Variants in CSMD3 observed in about 807,000 individuals in gnomAD.
CSMD3 encodes CUB and sushi domain-containing protein 3.
CSMD3 carries 177 observed loss-of-function variants against 435.2 expected under a neutral mutation model. That is an observed-to-expected ratio of 0.41 (90% CI 0.36 to 0.46). The LOEUF is 0.46. CSMD3 is among the 20% of genes least tolerant of loss of function. The pLI, the probability that CSMD3 is intolerant of heterozygous loss-of-function variation, is 0.34. For synonymous variants in CSMD3, 1,656 were observed against 1,520.5 expected (o/e 1.09, Z -2.07); for missense variants, 4,265 against 4,504.6 (o/e 0.95, Z 1.52).
At chr8:112,283,589 T>A (rs1818882814) in intron 58 of CSMD3, among the ~76,000 whole-genome samples, 1 of 151,652 alleles carries the variant, frequency 6.6e-6, no homozygotes. Context: ...CTCTTTTTTA[T>A]TTCTATTTTT....
chr8:112,551,115 C>T (rs1827645108), intron 26 of CSMD3, among the ~76,000 whole-genome samples: 1 of 151,990 alleles, frequency 6.6e-6, no homozygotes, highest in African/African-American at 2.4e-5. Flanking sequence ...TTCAGGCATA[C>T]ATTCTTTCCC....
At chr8:112,977,307 C>T (rs2084889735) in intron 6 of CSMD3, among the ~76,000 whole-genome samples, 1 of 151,900 alleles carries the variant, frequency 6.6e-6, no homozygotes, top group African/African-American at 2.4e-5. Flanking sequence ...TTTTCTAAAG[C>T]CCCTGAGTGG....
chr8:113,335,836 C>A (rs1013550548), intron 1 of CSMD3, among the ~76,000 whole-genome samples: 3 of 151,870 alleles, frequency 2.0e-5, no homozygotes, highest in African/African-American at 7.3e-5. Flanking sequence ...GCGTGGAGCC[C>A]TTTTGTCTCT....
At chr8:112,836,862 C>T (rs1332218321) in intron 11 of CSMD3, among the ~76,000 whole-genome samples, 1 of 151,756 alleles carries the variant, frequency 6.6e-6, no homozygotes, top group Non-Finnish European at 1.5e-5. Context: ...TAAAGGAATG[C>T]TTTGCCCAAG....
chr8:113,142,707 A>G (rs1025863279), intron 4 of CSMD3, among the ~76,000 whole-genome samples: 2 of 151,080 alleles, frequency 1.3e-5, no homozygotes, highest in African/African-American at 4.8e-5. Flanking sequence ...TACGGTCAAC[A>G]ATAATTTACT....
chr8:112,750,476 T>C lies in CSMD3; in HGVS notation c.1972+49686A>G, dbSNP rs551997794. ...AAGAAACATAACAACTTGATGATAATAAATTCTATGGAGTAAAATAATGCA... is the reference window on the plus strand; with the variant it reads ...AAGAAACATAACAACTTGATGATAACAAATTCTATGGAGTAAAATAATGCA... On this transcript the variant is annotated intron_variant, in intron 13 of 70. Coordinates refer to ENST00000297405, the MANE Select transcript of CSMD3 (RefSeq NM_198123.2). 3.3e-5 allele frequency among the ~76,000 whole-genome samples: 5 copies of C among 152,138 alleles called. No individual in the cohort carries two copies. In the East Asian group the frequency reaches 9.6e-4, roughly 29 times the overall value.
rs2130066214 is a variant in CSMD3 at position 112,408,424 on chromosome 8, A to G, written c.5510-11T>C. 3.4e-6 allele frequency: 5 copies of G among 1,474,644 alleles called. No individual in the cohort carries two copies. The highest frequency in any genetic ancestry group is 4.7e-6 in the Non-Finnish European group (5 of 1,053,682). 91.3% of individuals were successfully genotyped at this position (1,474,644 alleles called of 1,614,324 possible). A position where few individuals can be genotyped will look rare whatever the true frequency, so the allele number is the denominator to read the frequency against. ...GTGGAAGTGATTCTCCTACTCAACA[A>G]AACAAACACTAAGATATCATAAATA... On this transcript the variant is annotated splice_polypyrimidine_tract_variant and intron_variant, in intron 33 of 70. Transcript: ENST00000297405.
chr8:113,014,452 A>T (rs2086376353), intron 6 of CSMD3, among the ~76,000 whole-genome samples: 1 of 152,012 alleles, frequency 6.6e-6, no homozygotes. Context: ...AAGATTGCAC[A>T]CACAATGGAA....
intron 6 of CSMD3, among the ~76,000 whole-genome samples, chr8:112,985,974 C>T (rs2130991320): frequency 6.6e-6 from 1 of 152,116 alleles, no homozygotes; most frequent in African/African-American, 2.4e-5. Flanking sequence ...AGAAACCATC[C>T]CCACCCCCGA....
rs930761167 is a variant in CSMD3, at chr8:113,083,351, AAAT to A, written c.917+15402_917+15404del. The stretch of plus-strand genomic sequence containing the variant: ...TGAGATGATATATTCAAAGTGCTGA[AAAT>A]AATAATAAAAAAGCTGTAAGAAAAC... On this transcript the variant is annotated intron_variant, in intron 5 of 70. Transcript: ENST00000297405. Among the ~76,000 whole-genome samples the A allele has an allele frequency of 5.4e-4, 82 of 152,138 alleles. 1 individual carries two copies. The highest frequency in any genetic ancestry group is 4.3e-3 in the Admixed American group (65 of 15,288).
chr8:112,384,695 C>T (rs1015826592), intron 36 of CSMD3, among the ~76,000 whole-genome samples: 1 of 152,190 alleles, frequency 6.6e-6, no homozygotes, highest in African/African-American at 2.4e-5. Flanking sequence ...AATGCTGGTG[C>T]CTGTTTCCAG....
chr8:113,246,660 T>C (rs2093279268), intron 3 of CSMD3, among the ~76,000 whole-genome samples: 3 of 152,140 alleles, frequency 2.0e-5, no homozygotes, highest in African/African-American at 7.2e-5. Context: ...AGTTGAGAAC[T>C]AGGTAAAATT....
intron 59 of CSMD3, among the ~76,000 whole-genome samples, chr8:112,267,003 T>C (rs370008878): frequency 3.9e-4 from 60 of 151,988 alleles, no homozygotes; most frequent in African/African-American, 1.0e-3. Context: ...GTTATTTTTT[T>C]TCTCTCTCTC....
chr8:112,499,606 A>G (rs930871985), intron 30 of CSMD3, among the ~76,000 whole-genome samples: 2 of 152,096 alleles, frequency 1.3e-5, no homozygotes, highest in Non-Finnish European at 2.9e-5. Context: ...ATGCAAGTAA[A>G]TTAGAAATTT....
chr8:113,173,270 ATTT>A (rs2092297113), intron 4 of CSMD3, among the ~76,000 whole-genome samples: 1 of 152,000 alleles, frequency 6.6e-6, no homozygotes, highest in Non-Finnish European at 1.5e-5. Context: ...AGAATTTAGT[ATTT>A]TTCTCTCCTT....
intron 4 of CSMD3, among the ~76,000 whole-genome samples, chr8:113,113,841 G>T (rs1193118156): frequency 6.6e-6 from 1 of 152,084 alleles, no homozygotes; most frequent in African/African-American, 2.4e-5. Context: ...ACAATTTTTG[G>T]AAAAGATAAT....
intron 45 of CSMD3, among the ~76,000 whole-genome samples, chr8:112,324,692 T>C (rs1381156745): frequency 6.6e-6 from 1 of 151,776 alleles, no homozygotes; most frequent in Non-Finnish European, 1.5e-5. Context: ...ATTGTACAAG[T>C]TATACTCAGG....
intron 1 of CSMD3, among the ~76,000 whole-genome samples, chr8:113,340,923 T>G (rs1247100739): frequency 1.3e-5 from 2 of 151,934 alleles, no homozygotes; most frequent in Non-Finnish European, 2.9e-5. Context: ...GAAGTAGAAA[T>G]TGACCTGTAT....
chr8:113,246,974 C>T (rs1395565415), intron 3 of CSMD3, among the ~76,000 whole-genome samples: 3 of 152,188 alleles, frequency 2.0e-5, no homozygotes, highest in Admixed American at 2.0e-4. Flanking sequence ...AGCTTCACTT[C>T]CTGCTGGTGG....
Sources: gnomAD v4.1 joint callset for allele counts (sites outside exome capture counted in the v4.1 genomes callset) on GRCh38, gnomAD v4.1.1 for gene constraint, MANE v1.5 for transcripts, NCBI Gene and HGNC (gene_info 2026-07-23, HGNC 2026-07-21) for gene names.